Variants in BCL2L13 observed in about 807,000 individuals in gnomAD.
The protein encoded by BCL2L13 is BCL2 like 13, also known as bcl-2-like protein 13.
Under a neutral mutation model 25.8 loss-of-function variants are expected in BCL2L13, and 13 were observed. That is an observed-to-expected ratio of 0.50 (90% CI 0.33 to 0.80). The LOEUF (loss-of-function observed/expected upper bound fraction) is 0.80. Among genes scored for constraint, BCL2L13 ranks in the 30% least tolerant of loss-of-function variants. The pLI is 0.02. For missense variants in BCL2L13, 504 were observed against 574.9 expected, an observed-to-expected ratio of 0.88 and a Z score of 1.26; for synonymous variants, 244 against 230.3, an observed-to-expected ratio of 1.06 and a Z score of -0.54.
At chr22:17,636,720 C>T (rs533076513), upstream of BCL2L13, among the ~76,000 whole-genome samples, 1 of 152,116 alleles carries the variant, frequency 6.6e-6, no homozygotes, top group South Asian at 2.1e-4. Flanking sequence ...CGCTTGAACC[C>T]AGGAGGTGAG....
rs10684670 is a variant in BCL2L13, at chr22:17,646,716, C to CTTTTTTTTT, written c.-51+7843_-51+7851dup. 1.0e-4 allele frequency among the ~76,000 whole-genome samples: 9 copies of CTTTTTTTTT among 89,190 alleles called. 1 individual carries two copies. The highest frequency in any genetic ancestry group is 3.2e-4 in the Admixed American group (2 of 6,346). 58.5% of individuals were successfully genotyped at this position (89,190 alleles called of 152,430 possible). A position where few individuals can be genotyped will look rare whatever the true frequency, so the allele number is the denominator to read the frequency against. ...TTGAAAAGAATCTTGAAATATCTGT[C>CTTTTTTTTT]TTTTTTTTTTTTTTTTTTTTTGAGA... On this transcript the variant is annotated intron_variant, in intron 1 of 6. Transcript: ENST00000317582.
At chr22:17,711,420 C>T (rs1205048541) in intron 6 of BCL2L13, among the ~76,000 whole-genome samples, 1 of 151,134 alleles carries the variant, frequency 6.6e-6, no homozygotes, top group African/African-American at 2.4e-5. Context: ...ACCTCAGCCT[C>T]TTGAGTAGCT....
intron 2 of BCL2L13, among the ~76,000 whole-genome samples, chr22:17,671,742 ACT>A (rs1372918723): frequency 1.3e-5 from 2 of 151,898 alleles, no homozygotes; most frequent in African/African-American, 2.4e-5. Context: ...AGAGTCTCAC[ACT>A]CTTTCCCAGG....
chr22:17,705,860 A>G (rs1038836290), intron 6 of BCL2L13, among the ~76,000 whole-genome samples: 2 of 152,190 alleles, frequency 1.3e-5, no homozygotes, highest in African/African-American at 4.8e-5. Flanking sequence ...AGGTGCAGCT[A>G]CTTTTGAAAA....
chr22:17,644,061 C>G lies in BCL2L13; in HGVS notation c.-51+5175C>G, dbSNP rs760088553. 2.6e-4 allele frequency among the ~76,000 whole-genome samples: 40 copies of G among 151,116 alleles called. 1 individual carries two copies. Among genetic ancestry groups the G allele is most frequent in the Non-Finnish European group, 4.4e-4 (30 of 68,010 alleles). On this transcript the variant is annotated intron_variant, in intron 1 of 6. Coordinates refer to ENST00000317582, the MANE Select transcript of BCL2L13 (RefSeq NM_015367.4). ...GAGTAGCTGGGAATACAGATGCACA[C>G]CGCCACACCCAGCTAATTTTTGTAT...
intron 6 of BCL2L13, among the ~76,000 whole-genome samples, chr22:17,704,061 G>T (rs1424617602): frequency 6.6e-6 from 1 of 152,182 alleles, no homozygotes; most frequent in African/African-American, 2.4e-5. Flanking sequence ...CAAAAGAAAA[G>T]ATCTACTGCA....
chr22:17,706,775 T>C (rs1447883227), intron 6 of BCL2L13: 2 of 1,351,994 alleles, frequency 1.5e-6, no homozygotes, highest in Non-Finnish European at 2.0e-6. Flanking sequence ...CTTGTGTTGC[T>C]ACGTTAGAAG....
chr22:17,672,118 C>T (rs1420570299), intron 2 of BCL2L13, among the ~76,000 whole-genome samples: 3 of 152,098 alleles, frequency 2.0e-5, no homozygotes, highest in African/African-American at 7.2e-5. Context: ...TTCAATGGAC[C>T]TTTTTGATTT....
intron 3 of BCL2L13, among the ~76,000 whole-genome samples, chr22:17,685,780 T>TTTTTTTTTTTTTTTTTTTTTTTC (rs2059917231): frequency 8.6e-6 from 1 of 116,622 alleles, no homozygotes; most frequent in Non-Finnish European, 1.7e-5. Flanking sequence ...TTTTTTTTTT[T>TTTTTTTTTTTTTTTTTTTTTTTC]TTTTTTTTTG....
intron 6 of BCL2L13, among the ~76,000 whole-genome samples, chr22:17,704,240 C>T (rs1424142965): frequency 6.6e-6 from 1 of 152,040 alleles, no homozygotes; most frequent in Non-Finnish European, 1.5e-5. Flanking sequence ...TGTGTGCCAC[C>T]ATGACCAGCT....
intron 6 of BCL2L13, among the ~76,000 whole-genome samples, chr22:17,711,232 T>C (rs2060749310): frequency 6.6e-6 from 1 of 151,448 alleles, no homozygotes; most frequent in South Asian, 2.1e-4. Context: ...TAAAAAATAA[T>C]CATAAGAGGA....
intron 4 of BCL2L13, among the ~76,000 whole-genome samples, chr22:17,690,841 A>C (rs931707306): frequency 2.0e-5 from 3 of 152,110 alleles, no homozygotes; most frequent in African/African-American, 7.2e-5. Flanking sequence ...ATAAATATGG[A>C]GAGAAGTATA....
chr22:17,664,727 T>C (rs2059182721), intron 2 of BCL2L13, among the ~76,000 whole-genome samples: 1 of 152,210 alleles, frequency 6.6e-6, no homozygotes, highest in Non-Finnish European at 1.5e-5. Flanking sequence ...GTTCTTGACT[T>C]GTGTGCACCT....
chr22:17,727,171 C>T lies in BCL2L13; in HGVS notation c.1095C>T (p.Ile365=), dbSNP rs1218546998. 10 of 1,614,074 alleles carry T rather than the reference C, an allele frequency of 6.2e-6. No individual in the cohort carries two copies. Among genetic ancestry groups the T allele is most frequent in the Non-Finnish European group, 7.6e-6 (9 of 1,180,046 alleles). Residue 365 remains isoleucine, a synonymous_variant, in exon 7 of 7, where the codon ATC becomes ATT. Transcript: ENST00000317582. ...LGTREPDTEV[I]TVEKSSPATS... is the part of the protein sequence containing the mutation. ...CAAGGGAACCTGACACAGAAGTGATCACAGTTGAGAAATCCAGCCCTGCTA... is the reference window on the plus strand; with the variant it reads ...CAAGGGAACCTGACACAGAAGTGATTACAGTTGAGAAATCCAGCCCTGCTA...
chr22:17,638,515 C>A (rs1229981820), upstream of BCL2L13: 4 of 445,316 alleles, frequency 9.0e-6, no homozygotes, highest in African/African-American at 6.1e-5. Flanking sequence ...TCCAACACAG[C>A]GACCAGCCGG....
intron 2 of BCL2L13, among the ~76,000 whole-genome samples, chr22:17,664,497 AC>A (rs1279119639): frequency 2.0e-5 from 3 of 151,948 alleles, no homozygotes; most frequent in Non-Finnish European, 4.4e-5. Flanking sequence ...CAGTGGATCT[AC>A]CATTCTGGGG....
chr22:17,640,947 A>G (rs377072693), intron 1 of BCL2L13, among the ~76,000 whole-genome samples: 2 of 150,986 alleles, frequency 1.3e-5, no homozygotes, highest in South Asian at 2.1e-4. Flanking sequence ...CTGGAGTGCA[A>G]TGACACGATC....
chr22:17,694,723 A>G (rs1292952710), intron 4 of BCL2L13, among the ~76,000 whole-genome samples: 1 of 152,178 alleles, frequency 6.6e-6, no homozygotes, highest in Non-Finnish European at 1.5e-5. Flanking sequence ...TTGTCATGGC[A>G]TGTGTCAGAA....
At chr22:17,707,538 A>G (rs189795184) in intron 6 of BCL2L13, among the ~76,000 whole-genome samples, 102 of 152,338 alleles carry the variant, frequency 6.7e-4, no homozygotes, top group Non-Finnish European at 1.4e-3. Context: ...AACAATACAA[A>G]TATTTTATAT....
Sources: gnomAD v4.1 joint callset for allele counts (sites outside exome capture counted in the v4.1 genomes callset) on GRCh38, gnomAD v4.1.1 for gene constraint, MANE v1.5 for transcripts, NCBI Gene and HGNC (gene_info 2026-07-23, HGNC 2026-07-21) for gene names.